Variants in CGN observed in about 807,000 individuals in gnomAD.
CGN encodes cingulin.
In CGN, 121 loss-of-function variants were observed where a neutral mutation model predicts 157.1. The observed-to-expected ratio is 0.77, with a 90% CI of 0.66 to 0.90. The LOEUF (loss-of-function observed/expected upper bound fraction) is 0.90. Ranked by LOEUF, CGN falls within the 40% of genes least tolerant of loss-of-function variation. The probability of loss-of-function intolerance (pLI) is 0.00; values close to 1 mark genes in which losing one functional copy is unlikely to be tolerated. For missense variants in CGN, 1,424 were observed against 1,520.9 expected, an observed-to-expected ratio of 0.94 and a Z score of 1.06; for synonymous variants, 535 against 607.5, an observed-to-expected ratio of 0.88 and a Z score of 1.76.
intron 10 of CGN, among the ~76,000 whole-genome samples, chr1:151,528,640 C>T (rs955275458): frequency 1.3e-5 from 2 of 152,072 alleles, no homozygotes; most frequent in Admixed American, 6.6e-5. Flanking sequence ...TGGTTTTGAA[C>T]TCCTGACCTC....
chr1:151,535,564 C>G (rs1244939286), intron 16 of CGN, 36 bp from the exon 17 acceptor site: 1 of 1,539,658 alleles, frequency 6.5e-7, no homozygotes, highest in South Asian at 1.1e-5. Context: ...ATCCTTAGCC[C>G]TCCCCAAGTC....
In CGN at chr1:151,518,701, C is replaced by G. The variant is rs755421633; in HGVS notation, c.182C>G (p.Ala61Gly). Residue 61 changes from alanine (A) to glycine (G), a missense_variant, in exon 2 of 21, where the codon GCT becomes GGT. Around this residue, in one of 3 missense-constraint regions of CGN, gnomAD observed 1,187 missense variants for 1,217.6 expected, o/e 0.97. Coordinates refer to ENST00000271636, the MANE Select transcript of CGN (RefSeq NM_020770.3). ...YGVAVRVQGI[A>G]GQPFVVLNSG... ...GTTGCTGTGCGTGTGCAGGGAATCG[C>G]TGGGCAGCCCTTTGTGGTGCTCAAC... 4 of 1,614,032 alleles carry G rather than the reference C, an allele frequency of 2.5e-6. No homozygotes were observed. In the African/African-American group the frequency reaches 4.0e-5, roughly 16 times the overall value.
intron 13 of CGN, among the ~76,000 whole-genome samples, chr1:151,531,555 G>A (rs1442410939): frequency 1.3e-5 from 2 of 152,112 alleles, no homozygotes; most frequent in African/African-American, 2.4e-5. Context: ...CTACTCGGAA[G>A]GCTGACGTAG....
chr1:151,521,464 C>T (rs1389052410), intron 5 of CGN, among the ~76,000 whole-genome samples: 1 of 152,164 alleles, frequency 6.6e-6, no homozygotes, highest in Non-Finnish European at 1.5e-5. Flanking sequence ...GCCTCTGTTT[C>T]CTAAATTGTA....
intron 16 of CGN, among the ~76,000 whole-genome samples, chr1:151,535,364 C>T (rs1173888626): frequency 2.0e-5 from 3 of 152,120 alleles, no homozygotes; most frequent in Admixed American, 2.0e-4. Flanking sequence ...TGTTCTCTGA[C>T]CTGAATTGGG....
chr1:151,536,895 T>G lies in CGN; in HGVS notation c.3470+2T>G. On this transcript the variant is annotated splice_donor_variant, in intron 20 of 20. Transcript: ENST00000271636. LOFTEE classifies it high-confidence loss of function. The stretch of plus-strand genomic sequence containing the variant: ...CAAGTCTCTGGAGAAGGACTCCTGG[T>G]ATGGGCTACCCTTTTGCCCTTGCTC... 1 of 1,613,704 alleles carries G rather than the reference T, an allele frequency of 6.2e-7. No individual in the cohort carries two copies. Among genetic ancestry groups the G allele is most frequent in the Non-Finnish European group, 8.5e-7 (1 of 1,179,880 alleles).
At position 151,529,570 on chromosome 1, in the gene CGN, T is replaced by G. The variant is rs758374134; in HGVS notation, c.2106+11T>G. The stretch of plus-strand genomic sequence containing the variant: ...GAAGAGGCTTCCAAGGCAAGGGGAG[T>G]GGGCACAGGGCTTAGGAGGTGGAGG... On this transcript the variant is annotated intron_variant, in intron 11 of 20. Coordinates refer to ENST00000271636, the MANE Select transcript of CGN (RefSeq NM_020770.3). The G allele has an allele frequency of 1.2e-6, 2 of 1,609,172 alleles. No individual in the cohort carries two copies. Among genetic ancestry groups the G allele is most frequent in the South Asian group, 2.2e-5 (2 of 90,598 alleles).
intron 13 of CGN, 21 bp downstream of exon 13, chr1:151,530,767 G>C: frequency 2.6e-6 from 4 of 1,551,122 alleles, no homozygotes; most frequent in Non-Finnish European, 3.5e-6. Flanking sequence ...GGGTATTCTG[G>C]GCCTTTAGGA....
Position 151,527,934 on chromosome 1 carries a change from C to CTATATA in CGN, c.1896+839_1896+844dup, listed in dbSNP as rs754988918. ...TGCAGTTGGAGATCCCATGGCCACA[C>CTATATA]TATATATATATATATATTTTTTTTT... On this transcript the variant is annotated intron_variant, in intron 10 of 20. Transcript: ENST00000271636. The CTATATA allele has an allele frequency of 8.6e-4, 145 of 168,070 alleles. 3 individuals carry two copies. In the East Asian group the frequency reaches 8.7e-3, roughly 10 times the overall value. 10.4% of individuals were successfully genotyped at this position (168,070 alleles called of 1,614,324 possible). A position where few individuals can be genotyped will look rare whatever the true frequency, so the allele number is the denominator to read the frequency against.
At chr1:151,518,390 A>T in intron 1 of CGN, 116 bp from the exon 2 acceptor site, 1 of 843,982 alleles carries the variant, frequency 1.2e-6, no homozygotes, top group Non-Finnish European at 1.8e-6. Flanking sequence ...GCCTTCTGTT[A>T]GTCTGAGAAT....
intron 1 of CGN, among the ~76,000 whole-genome samples, chr1:151,516,306 T>G (rs7552458): frequency 0.22 from 33,306 of 152,056 alleles, 4,918 homozygotes; most frequent in East Asian, 0.78. Flanking sequence ...CATCCTCCAG[T>G]TTGGTGCTAG....
At chr1:151,525,522 G>A in intron 8 of CGN, 120 bp from the exon 9 acceptor site, 1 of 644,492 alleles carries the variant, frequency 1.6e-6, no homozygotes, top group Non-Finnish European at 2.4e-6. Flanking sequence ...AAGAGTGTCA[G>A]GGGGTGCACC....
chr1:151,534,716 A>T (rs1221011050), intron 15 of CGN: 2 of 302,358 alleles, frequency 6.6e-6, no homozygotes, highest in Non-Finnish European at 6.3e-6. Context: ...GAGTCTCTTC[A>T]CCTCAGCCTT....
chr1:151,533,800 G>GA (rs375623463), intron 14 of CGN, among the ~76,000 whole-genome samples, 175 bp from the exon 15 acceptor site: 18 of 150,312 alleles, frequency 1.2e-4, no homozygotes, highest in South Asian at 6.3e-4. Flanking sequence ...TCTAAAAAAT[G>GA]AAAAAAAAAG....
At chr1:151,516,355 AT>A (rs1387055148) in intron 1 of CGN, among the ~76,000 whole-genome samples, 3 of 151,928 alleles carry the variant, frequency 2.0e-5, no homozygotes, top group Non-Finnish European at 2.9e-5. Context: ...GGGAAGCTGA[AT>A]TTTTTTATTT....
Position 151,538,397 on chromosome 1 carries a change from A to G in CGN, c.*1051A>G, listed in dbSNP as rs2102506859. ...CTGATTCAGGGCTTTGCAAGGGGTT[A>G]GAAGCTGACTGTAAAAATGGGAAGA... On this transcript the variant is annotated 3_prime_UTR_variant, in exon 21 of 21. Transcript: ENST00000271636. 6.6e-6 allele frequency: 1 copy of G among 152,374 alleles called. No individual in the cohort carries two copies. Among genetic ancestry groups the G allele is most frequent in the Admixed American group, 6.5e-5 (1 of 15,308 alleles). 9.4% of individuals were successfully genotyped at this position (152,374 alleles called of 1,614,324 possible). A position where few individuals can be genotyped will look rare whatever the true frequency, so the allele number is the denominator to read the frequency against.
intron 5 of CGN, 137 bp from the exon 6 acceptor site, chr1:151,523,297 T>A: frequency 1.5e-6 from 1 of 670,604 alleles, no homozygotes; most frequent in Non-Finnish European, 2.5e-6. Flanking sequence ...TAGATGTGGA[T>A]AATACACATA....
chr1:151,529,115 A>G (rs923620470), intron 10 of CGN, among the ~76,000 whole-genome samples: 2 of 152,192 alleles, frequency 1.3e-5, no homozygotes, highest in Non-Finnish European at 2.9e-5. Context: ...ACATTCGCGT[A>G]TAAGTTTTTT....
At position 151,518,629 on chromosome 1, in the gene CGN, G is replaced by A; in HGVS notation, c.110G>A (p.Arg37Gln). ...GGTGCAGAGATGGGCACTCTACGTCGAGGTGGACGACGCCCAGCTAAGGAT... is the reference window on the plus strand; with the variant it reads ...GGTGCAGAGATGGGCACTCTACGTCAAGGTGGACGACGCCCAGCTAAGGAT... Reference protein sequence around the residue: ...VSGAEMGTLRRGGRRPAKDAR... With the variant: ...VSGAEMGTLRQGGRRPAKDAR... Residue 37 changes from arginine to glutamine, a missense_variant, in exon 2 of 21, where the codon CGA (arginine) becomes CAA (glutamine). Arg to Gln is a conservative substitution (Grantham distance 43). Coordinates refer to ENST00000271636, the MANE Select transcript of CGN (RefSeq NM_020770.3). 3 of 1,614,136 alleles carry A rather than the reference G, an allele frequency of 1.9e-6. No homozygotes were observed. The highest frequency in any genetic ancestry group is 2.2e-5 in the South Asian group (2 of 91,080).
Sources: gnomAD v4.1 joint callset for allele counts (sites outside exome capture counted in the v4.1 genomes callset) on GRCh38, gnomAD v4.1.1 for gene constraint, gnomAD v4.1.1 regional missense constraint, MANE v1.5 for transcripts, NCBI Gene and HGNC (gene_info 2026-07-23, HGNC 2026-07-21) for gene names.